FHIT: variants seen among roughly 807,000 people sequenced by gnomAD.
The protein encoded by FHIT is fragile histidine triad diadenosine triphosphatase.
Under a neutral mutation model 17.9 loss-of-function variants are expected in FHIT, and 19 were observed. The observed-to-expected ratio is 1.06, with a 90% CI of 0.74 to 1.56. The LOEUF (loss-of-function observed/expected upper bound fraction) is 1.56, where lower values mean the gene tolerates loss of function less well. FHIT is among the 40% of genes most tolerant of loss of function. The pLI is 0.00. For synonymous variants in FHIT, 81 were observed against 69.7 expected, an observed-to-expected ratio of 1.16 and a Z score of -0.81; for missense variants, 248 against 189.2, an observed-to-expected ratio of 1.31 and a Z score of -1.82.
At chr3:60,124,454 T>C (rs372863789) in intron 5 of FHIT, among the ~76,000 whole-genome samples, 31 of 152,234 alleles carry the variant, frequency 2.0e-4, no homozygotes, top group African/African-American at 7.2e-4. Flanking sequence ...GGATACCTAT[T>C]CTTATAACAC....
In FHIT at chr3:60,537,743, G is replaced by C. The variant is rs2036037112; in HGVS notation, c.-17-764C>G. Among the ~76,000 whole-genome samples, 7 of 152,236 alleles carry C rather than the reference G, an allele frequency of 4.6e-5. No homozygotes were observed. The South Asian group carries it at 1.5e-3, about 32-fold the overall frequency. ...CAAGCCAAATCCATCTAGCACCAAGGAATGACTTTTCAATCAGGTGGATGC... is the reference window on the plus strand; with the variant it reads ...CAAGCCAAATCCATCTAGCACCAAGCAATGACTTTTCAATCAGGTGGATGC... On this transcript the variant is annotated intron_variant, in intron 4 of 9. Transcript: ENST00000492590.
chr3:60,380,652 CAAGTT>C (rs1376355919), intron 5 of FHIT, among the ~76,000 whole-genome samples: 8 of 152,120 alleles, frequency 5.3e-5, no homozygotes, highest in African/African-American at 1.9e-4. Context: ...CGTACACGTC[CAAGTT>C]TAGTTGTCTC....
intron 4 of FHIT, among the ~76,000 whole-genome samples, chr3:60,660,720 T>C (rs2040220103): frequency 7.0e-6 from 1 of 143,456 alleles, no homozygotes; most frequent in Admixed American, 7.1e-5. Flanking sequence ...GAATATCTTT[T>C]ATTGTGCTCT....
intron 8 of FHIT, among the ~76,000 whole-genome samples, chr3:59,817,500 G>T (rs1700640336): frequency 7.1e-6 from 1 of 140,946 alleles, no homozygotes; most frequent in South Asian, 2.3e-4. Context: ...GGTCGGGGCT[G>T]CATAATGAGT....
intron 4 of FHIT, among the ~76,000 whole-genome samples, chr3:60,604,375 T>G (rs1553670190): frequency 6.6e-6 from 1 of 152,102 alleles, no homozygotes; most frequent in Admixed American, 6.6e-5. Flanking sequence ...TATAATGAGA[T>G]CAAATCATAT....
chr3:60,836,881 G>A (rs1380880438), intron 3 of FHIT, among the ~76,000 whole-genome samples: 2 of 152,060 alleles, frequency 1.3e-5, no homozygotes, highest in African/African-American at 4.8e-5. Flanking sequence ...AGCTATCTTG[G>A]GTCTCAGTCT....
In FHIT at chr3:59,905,369, G is replaced by C. The variant is rs565744650; in HGVS notation, c.348+16977C>G. ...ATTTTTCAGAATGGGGGTGATACCAGTAAGACCAGGGGTCAGAATAGGGGA... is the reference window on the plus strand; with the variant it reads ...ATTTTTCAGAATGGGGGTGATACCACTAAGACCAGGGGTCAGAATAGGGGA... On this transcript the variant is annotated intron_variant, in intron 8 of 9. Transcript: ENST00000492590. Among the ~76,000 whole-genome samples the C allele has an allele frequency of 5.4e-4, 82 of 152,298 alleles. No individual in the cohort carries two copies. In the South Asian group the frequency reaches 0.016, roughly 30 times the overall value.
At chr3:60,144,259 CTAAT>C (rs1340593884) in intron 5 of FHIT, among the ~76,000 whole-genome samples, 2 of 152,150 alleles carry the variant, frequency 1.3e-5, no homozygotes, top group African/African-American at 2.4e-5. Flanking sequence ...ACTAACAACT[CTAAT>C]AACAACAGTA....
At chr3:60,438,901 A>T (rs1370006573) in intron 5 of FHIT, among the ~76,000 whole-genome samples, 1 of 152,148 alleles carries the variant, frequency 6.6e-6, no homozygotes, top group Non-Finnish European at 1.5e-5. Context: ...GTTTACCAGG[A>T]AAATATCAAT....
chr3:59,787,528 A>AG (rs1699363100), intron 8 of FHIT, among the ~76,000 whole-genome samples: 1 of 138,962 alleles, frequency 7.2e-6, no homozygotes, highest in African/African-American at 2.7e-5. Context: ...ACACACACAC[A>AG]CGTCAAAGGC....
At chr3:60,383,437 T>G (rs905556781) in intron 5 of FHIT, among the ~76,000 whole-genome samples, 18 of 152,252 alleles carry the variant, frequency 1.2e-4, no homozygotes, top group African/African-American at 4.3e-4. Context: ...ACTGATATTT[T>G]TGGTTCTCAT....
At chr3:60,224,929 C>G (rs557397987) in intron 5 of FHIT, among the ~76,000 whole-genome samples, 17 of 152,024 alleles carry the variant, frequency 1.1e-4, no homozygotes, top group African/African-American at 3.1e-4. Flanking sequence ...CCATTTTGGC[C>G]AGACTGGTCT....
intron 4 of FHIT, among the ~76,000 whole-genome samples, chr3:60,618,640 C>A (rs926713075): frequency 6.6e-6 from 1 of 152,254 alleles, no homozygotes; most frequent in South Asian, 2.1e-4. Flanking sequence ...AAGATGTCAA[C>A]GTTTTAATTT....
chr3:60,561,856 T>C lies in FHIT; in HGVS notation c.-17-24877A>G, dbSNP rs949258546. Among the ~76,000 whole-genome samples, 2 of 151,602 alleles carry C rather than the reference T, an allele frequency of 1.3e-5. 1 individual carries two copies. The highest frequency in any genetic ancestry group is 1.3e-4 in the Admixed American group (2 of 15,220). On this transcript the variant is annotated intron_variant, in intron 4 of 9. Coordinates refer to ENST00000492590, the MANE Select transcript of FHIT (RefSeq NM_002012.4). ...TAATATCAAAACATTCTCTCTTTTT[T>C]ATTGCCCAGACTCTGGGAATCTGGA...
chr3:59,879,716 C>T (rs747594017), intron 8 of FHIT, among the ~76,000 whole-genome samples: 1 of 152,156 alleles, frequency 6.6e-6, no homozygotes, highest in Non-Finnish European at 1.5e-5. Flanking sequence ...ATATTGGACA[C>T]TGGCAATGAT....
chr3:60,129,042 C>CTTTTTTTTTTTTTTTTTTTTTT (rs1360333142), intron 5 of FHIT, among the ~76,000 whole-genome samples: 4 of 113,010 alleles, frequency 3.5e-5, no homozygotes, highest in African/African-American at 1.4e-4. Context: ...TTCTTCTTTC[C>CTTTTTTTTTTTTTTTTTTTTTT]TTTTTTGTTT....
At chr3:59,989,261 T>G (rs528286707) in intron 7 of FHIT, among the ~76,000 whole-genome samples, 2 of 152,148 alleles carry the variant, frequency 1.3e-5, no homozygotes, top group Admixed American at 1.3e-4. Flanking sequence ...CCTGGAAACC[T>G]TTGAGAATAT....
At chr3:61,222,596 A>G (rs2039868650) in intron 1 of FHIT, among the ~76,000 whole-genome samples, 1 of 152,214 alleles carries the variant, frequency 6.6e-6, no homozygotes, top group African/African-American at 2.4e-5. Flanking sequence ...ACAGTGGCAG[A>G]CTTGATAGAC....
intron 8 of FHIT, among the ~76,000 whole-genome samples, chr3:59,781,407 G>T (rs1702577241): frequency 6.6e-6 from 1 of 152,162 alleles, no homozygotes; most frequent in Admixed American, 6.5e-5. Context: ...ATAAACCAGG[G>T]ATTAAGTCCA....
Sources: allele counts gnomAD v4.1 joint callset (sites outside exome capture counted in the v4.1 genomes callset), GRCh38; gene constraint gnomAD v4.1.1; transcripts MANE v1.5; gene names NCBI Gene and HGNC (gene_info 2026-07-23, HGNC 2026-07-21).